Variants in ASIC2 observed in about 807,000 individuals in gnomAD.
ASIC2 encodes the protein acid sensing ion channel subunit 2, also known as acid-sensing ion channel 2.
In ASIC2, 25 loss-of-function variants were observed where a neutral mutation model predicts 57.3. The observed-to-expected ratio is 0.44, with a 90% CI of 0.32 to 0.61. The LOEUF is 0.61. Ranked by LOEUF, ASIC2 falls within the 20% of genes least tolerant of loss-of-function variation. The pLI is 0.06. For synonymous variants in ASIC2, 319 were observed against 307.5 expected (o/e 1.04, Z -0.39); for missense variants, 641 against 738.1 (o/e 0.87, Z 1.52).
chr17:33,644,142 CTG>C (rs1163096811), intron 1 of ASIC2, among the ~76,000 whole-genome samples: 1 of 152,202 alleles, frequency 6.6e-6, no homozygotes, highest in Non-Finnish European at 1.5e-5. Context: ...TCTTATCTCA[CTG>C]TAGGCTTTCA....
At chr17:33,953,604 C>A (rs1263427901) in intron 1 of ASIC2, among the ~76,000 whole-genome samples, 5 of 151,956 alleles carry the variant, frequency 3.3e-5, no homozygotes, top group Non-Finnish European at 7.4e-5. Flanking sequence ...AGTGTATAAA[C>A]CCTGTCAAAA....
chr17:34,027,583 G>C (rs1249779560), intron 1 of ASIC2, among the ~76,000 whole-genome samples: 1 of 152,216 alleles, frequency 6.6e-6, no homozygotes, highest in Admixed American at 6.5e-5. Context: ...TTTCAGTTCA[G>C]ATACAACTTC....
chr17:33,138,023 A>G (rs989762804), intron 1 of ASIC2, among the ~76,000 whole-genome samples: 14 of 152,174 alleles, frequency 9.2e-5, no homozygotes, highest in African/African-American at 3.4e-4. Flanking sequence ...CACTTGATGT[A>G]CCTTATGGAA....
At chr17:33,392,045 C>A (rs1315033144) in intron 1 of ASIC2, among the ~76,000 whole-genome samples, 1 of 152,164 alleles carries the variant, frequency 6.6e-6, no homozygotes, top group African/African-American at 2.4e-5. Context: ...TTCTGTTTTG[C>A]CCTTCGCCAA....
intron 1 of ASIC2, among the ~76,000 whole-genome samples, chr17:33,755,586 T>C (rs1910579431): frequency 6.6e-6 from 1 of 152,232 alleles, no homozygotes; most frequent in Non-Finnish European, 1.5e-5. Flanking sequence ...ATGCTTTAGT[T>C]GATCATTTAA....
At chr17:33,406,486 A>T (rs191882518) in intron 1 of ASIC2, among the ~76,000 whole-genome samples, 12 of 152,344 alleles carry the variant, frequency 7.9e-5, no homozygotes, top group African/African-American at 2.9e-4. Flanking sequence ...AACACAGAAC[A>T]CAGCACTGTG....
intron 1 of ASIC2, among the ~76,000 whole-genome samples, chr17:33,983,741 G>A (rs988797407): frequency 2.6e-5 from 4 of 152,188 alleles, no homozygotes; most frequent in Non-Finnish European, 5.9e-5. Flanking sequence ...GCTCTCAACT[G>A]GGGGCAGTTC....
intron 3 of ASIC2, among the ~76,000 whole-genome samples, chr17:33,031,581 T>A (rs2091883870): frequency 6.6e-6 from 1 of 152,224 alleles, no homozygotes; most frequent in African/African-American, 2.4e-5. Context: ...CTGTAACTGT[T>A]GGCGTACTGT....
chr17:33,742,581 G>A (rs1393465013), intron 1 of ASIC2, among the ~76,000 whole-genome samples: 2 of 152,156 alleles, frequency 1.3e-5, no homozygotes, highest in African/African-American at 4.8e-5. Flanking sequence ...TGATGGGCAG[G>A]TAGACAAATG....
chr17:33,633,137 G>A (rs964340424), intron 1 of ASIC2, among the ~76,000 whole-genome samples: 11 of 152,140 alleles, frequency 7.2e-5, no homozygotes, highest in African/African-American at 1.9e-4. Flanking sequence ...GGTGAGGGTC[G>A]GGTCTCCAGG....
intron 1 of ASIC2, among the ~76,000 whole-genome samples, chr17:33,357,533 C>A (rs1343905802): frequency 6.6e-6 from 1 of 152,176 alleles, no homozygotes; most frequent in South Asian, 2.1e-4. Context: ...GGGCACCCAG[C>A]TAGACCACCT....
chr17:33,153,662 A>G (rs1268810816), intron 1 of ASIC2, among the ~76,000 whole-genome samples: 2 of 152,170 alleles, frequency 1.3e-5, no homozygotes, highest in African/African-American at 2.4e-5. Context: ...TTTCATGTCT[A>G]TGGTGAACAC....
chr17:33,055,422 C>T (rs1413040373), intron 3 of ASIC2, among the ~76,000 whole-genome samples: 2 of 152,300 alleles, frequency 1.3e-5, no homozygotes. Context: ...AGCCAGCCTT[C>T]CGAGAACTTC....
rs200271945 is a variant in ASIC2 at position 33,971,702 on chromosome 17, G to GA, written c.555+184275dup. Reference sequence around the variant, plus strand: ...ATCTACCTATTTCATCTGTATTTGTGAAAAAAAAATTATAACCCAAAAAGA... The same window carrying GA: ...ATCTACCTATTTCATCTGTATTTGTGAAAAAAAAAATTATAACCCAAAAAGA... On this transcript the variant is annotated intron_variant, in intron 1 of 9. Coordinates refer to the ASIC2 transcript ENST00000359872. Among the ~76,000 whole-genome samples, 38 of 151,242 alleles carry GA rather than the reference G, an allele frequency of 2.5e-4. No individual in the cohort carries two copies. In the East Asian group the frequency reaches 5.2e-3, roughly 21 times the overall value.
intron 1 of ASIC2, among the ~76,000 whole-genome samples, chr17:33,541,550 G>T (rs1050828094): frequency 6.6e-6 from 1 of 152,190 alleles, no homozygotes; most frequent in African/African-American, 2.4e-5. Flanking sequence ...CCTGAGCCCA[G>T]GAATAGGGAG....
At chr17:34,020,120 T>C (rs1481296011) in intron 1 of ASIC2, among the ~76,000 whole-genome samples, 1 of 152,226 alleles carries the variant, frequency 6.6e-6, no homozygotes, top group East Asian at 1.9e-4. Flanking sequence ...AAATTGTGGC[T>C]ACATTTAATC....
At chr17:34,111,233 CAT>C (rs35631276) in intron 1 of ASIC2, among the ~76,000 whole-genome samples, 5,430 of 148,904 alleles carry the variant, frequency 0.036, 306 homozygotes, top group African/African-American at 0.12. Context: ...CTCAAAAAAA[CAT>C]ATATATACAC....
At chr17:33,521,316 G>T (rs1914735335) in intron 1 of ASIC2, among the ~76,000 whole-genome samples, 2 of 152,188 alleles carry the variant, frequency 1.3e-5, no homozygotes, top group African/African-American at 2.4e-5. Context: ...TCTGCAGGGG[G>T]AGGTGGGAGG....
intron 1 of ASIC2, among the ~76,000 whole-genome samples, chr17:33,980,382 A>G (rs1905570210): frequency 6.6e-6 from 1 of 152,224 alleles, no homozygotes; most frequent in Admixed American, 6.5e-5. Flanking sequence ...AGATGAGCTT[A>G]GACACTTAGA....
Sources: allele counts gnomAD v4.1 joint callset (sites outside exome capture counted in the v4.1 genomes callset), GRCh38; gene constraint gnomAD v4.1.1; transcripts MANE v1.5; gene names NCBI Gene and HGNC (gene_info 2026-07-23, HGNC 2026-07-21).